The following LRRC28 variants were observed in gnomAD, a reference collection of about 807,000 sequenced individuals.
LRRC28 encodes leucine-rich repeat-containing protein 28.
Under a neutral mutation model 45.7 loss-of-function variants are expected in LRRC28, and 39 were observed. That is an observed-to-expected ratio of 0.85 (90% CI 0.66 to 1.12). LRRC28 has a LOEUF of 1.12. LRRC28 is among the 50% of genes most tolerant of loss of function. The pLI is 0.00. For synonymous variants in LRRC28, 206 were observed against 178.8 expected (o/e 1.15, Z -1.22); for missense variants, 435 against 438.5 (o/e 0.99, Z 0.07).
At chr15:99,341,184 G>C (rs921228041) in intron 6 of LRRC28, among the ~76,000 whole-genome samples, 1 of 142,656 alleles carries the variant, frequency 7.0e-6, no homozygotes, top group African/African-American at 2.6e-5. Context: ...TCCACCTCCC[G>C]GGTTCAAGTG....
intron 5 of LRRC28, among the ~76,000 whole-genome samples, chr15:99,315,850 A>G (rs1005515466): frequency 1.3e-5 from 2 of 152,180 alleles, no homozygotes; most frequent in Non-Finnish European, 2.9e-5. Context: ...ATTCCAGGAT[A>G]TAGTGAGTCG....
chr15:99,266,491 C>T (rs1390523129), intron 2 of LRRC28, among the ~76,000 whole-genome samples: 1 of 151,848 alleles, frequency 6.6e-6, no homozygotes, highest in Non-Finnish European at 1.5e-5. Flanking sequence ...AAAATTAACA[C>T]CTAGTGTTAA....
intron 2 of LRRC28, among the ~76,000 whole-genome samples, chr15:99,268,203 A>T (rs997669393): frequency 1.3e-5 from 2 of 152,188 alleles, no homozygotes; most frequent in Non-Finnish European, 2.9e-5. Context: ...ATGTTAAGTG[A>T]ATTTTCCCAG....
chr15:99,332,879 C>T (rs1206996748), intron 5 of LRRC28, among the ~76,000 whole-genome samples: 1 of 152,094 alleles, frequency 6.6e-6, no homozygotes, highest in African/African-American at 2.4e-5. Flanking sequence ...GCTTGGGAAA[C>T]CTTAACCTAG....
At chr15:99,295,769 T>G (rs1054780594) in intron 5 of LRRC28, among the ~76,000 whole-genome samples, 1 of 152,270 alleles carries the variant, frequency 6.6e-6, no homozygotes, top group Non-Finnish European at 1.5e-5. Flanking sequence ...GAATCTGTTG[T>G]GTTTTAATGG....
rs1958139718 is a variant in LRRC28, at chr15:99,390,069, GATCACGCC to G, written c.*3970_*3977del. Reference sequence around the variant, plus strand: ...GCAGGAAGAGGTTGCATTGAGCTGAGATCACGCCATTACACTCCAGCCTGGGCAACAGA... The same window carrying G: ...GCAGGAAGAGGTTGCATTGAGCTGAGATTACACTCCAGCCTGGGCAACAGA... On this transcript the variant is annotated 3_prime_UTR_variant, in exon 10 of 10. Coordinates refer to ENST00000301981, the MANE Select transcript of LRRC28 (RefSeq NM_144598.5). 1 of 152,528 alleles carries G rather than the reference GATCACGCC, an allele frequency of 6.6e-6. No individual in the cohort carries two copies. Among genetic ancestry groups the G allele is most frequent in the Admixed American group, 6.5e-5 (1 of 15,280 alleles). 9.4% of individuals were successfully genotyped at this position (152,528 alleles called of 1,614,324 possible). A position where few individuals can be genotyped will look rare whatever the true frequency, so the allele number is the denominator to read the frequency against.
chr15:99,268,843 T>C (rs1468302325), intron 2 of LRRC28, among the ~76,000 whole-genome samples: 1 of 152,238 alleles, frequency 6.6e-6, no homozygotes, highest in Non-Finnish European at 1.5e-5. Context: ...GTTTATTAAA[T>C]AGGTTTTTTT....
intron 3 of LRRC28, among the ~76,000 whole-genome samples, chr15:99,282,193 T>C (rs2081822029): frequency 6.7e-6 from 1 of 149,320 alleles, no homozygotes; most frequent in Non-Finnish European, 1.5e-5. Flanking sequence ...TTTTTTTTTG[T>C]AGCAGTAGCT....
rs560500272 is a variant in LRRC28 at position 99,347,359 on chromosome 15, G to A, written c.593-5010G>A. ...CGAGTAGCTGGGACTACAGGTGCCC[G>A]CACCATGCCTGGCTAATTTTTTTGT... On this transcript the variant is annotated intron_variant, in intron 6 of 9. Transcript: ENST00000301981. Among the ~76,000 whole-genome samples, 7 of 152,136 alleles carry A rather than the reference G, an allele frequency of 4.6e-5. No homozygotes were observed. The South Asian group carries it at 8.3e-4, about 18-fold the overall frequency.
intron 5 of LRRC28, among the ~76,000 whole-genome samples, chr15:99,323,110 T>G (rs1046627403): frequency 7.9e-5 from 12 of 152,212 alleles, no homozygotes; most frequent in African/African-American, 2.9e-4. Context: ...TAATGTACAC[T>G]CAGAAACATC....
intron 5 of LRRC28, among the ~76,000 whole-genome samples, chr15:99,332,685 C>T (rs1317282205): frequency 1.3e-5 from 2 of 152,116 alleles, no homozygotes; most frequent in Non-Finnish European, 2.9e-5. Flanking sequence ...AGGCCATGGG[C>T]TAGATTTGGC....
rs1209279408 is a variant in LRRC28, at chr15:99,386,170, C to T, written c.*68C>T. 3.2e-6 allele frequency: 4 copies of T among 1,241,938 alleles called. No homozygotes were observed. Among genetic ancestry groups the T allele is most frequent in the Middle Eastern group, 1.9e-4 (1 of 5,336 alleles). 76.9% of individuals were successfully genotyped at this position (1,241,938 alleles called of 1,614,324 possible). A position where few individuals can be genotyped will look rare whatever the true frequency, so the allele number is the denominator to read the frequency against. ...GGGAATCCAGCCAGTCCAGCACACT[C>T]TTCCATCCTGTCCTGTCCAATGCGG... On this transcript the variant is annotated 3_prime_UTR_variant, in exon 10 of 10. Coordinates refer to ENST00000301981, the MANE Select transcript of LRRC28 (RefSeq NM_144598.5).
intron 2 of LRRC28, chr15:99,259,938 A>G (rs886605037): frequency 8.9e-6 from 6 of 676,334 alleles, no homozygotes; most frequent in Non-Finnish European, 1.6e-5. Flanking sequence ...GAGCAAGACA[A>G]AGACAAAGAA....
intron 2 of LRRC28, among the ~76,000 whole-genome samples, chr15:99,268,046 A>C (rs1233295795): frequency 1.3e-5 from 2 of 152,214 alleles, no homozygotes; most frequent in African/African-American, 4.8e-5. Flanking sequence ...TTTTCAGTGC[A>C]AAAATAAGGT....
rs1019632743 is a variant in LRRC28 at position 99,283,036 on chromosome 15, G to GC, written c.210-4220dup. On this transcript the variant is annotated intron_variant, in intron 3 of 9. Transcript: ENST00000301981. ...GCCTCCCAGGTAGCTGGGATTACAG[G>GC]CATGTGCCACCATGCCCAGCTAATT... Among the ~76,000 whole-genome samples the GC allele has an allele frequency of 3.1e-4, 47 of 151,952 alleles. 2 individuals are homozygous for GC. The highest frequency in any genetic ancestry group is 1.2e-4 in the Non-Finnish European group (8 of 67,978).
intron 7 of LRRC28, among the ~76,000 whole-genome samples, chr15:99,358,448 G>C (rs750691288): frequency 7.9e-5 from 12 of 152,100 alleles, no homozygotes; most frequent in Non-Finnish European, 1.6e-4. Context: ...TAATTGTAAA[G>C]TTCAAATTGA....
At chr15:99,360,418 A>G (rs998767062) in intron 7 of LRRC28, among the ~76,000 whole-genome samples, 10 of 152,190 alleles carry the variant, frequency 6.6e-5, no homozygotes, top group Non-Finnish European at 1.2e-4. Context: ...GGAAGGGTTC[A>G]TTCTTGTTTT....
At chr15:99,337,963 C>A (rs936119442) in intron 6 of LRRC28, 6 of 152,220 alleles carry the variant, frequency 3.9e-5, no homozygotes, top group African/African-American at 1.4e-4. Context: ...AAACTGAATT[C>A]TTTGAGAACA....
chr15:99,265,318 T>C (rs56854120), intron 2 of LRRC28, among the ~76,000 whole-genome samples: 12,690 of 152,048 alleles, frequency 0.083, 586 homozygotes, highest in African/African-American at 0.11. Context: ...GAGAGTGATA[T>C]AACATGAAAT....
Sources: gnomAD v4.1 joint callset for allele counts (sites outside exome capture counted in the v4.1 genomes callset) on GRCh38, gnomAD v4.1.1 for gene constraint, MANE v1.5 for transcripts, NCBI Gene and HGNC (gene_info 2026-07-23, HGNC 2026-07-21) for gene names.